The following GUSB variants were observed in gnomAD, a reference collection of about 807,000 sequenced individuals.
GUSB encodes the protein beta-glucuronidase.
Under a neutral mutation model 74.6 loss-of-function variants are expected in GUSB, and 51 were observed. The ratio of observed to expected loss-of-function variants is 0.68; its 90% CI spans 0.55 to 0.86. The LOEUF (loss-of-function observed/expected upper bound fraction) is 0.86. Ranked by LOEUF, GUSB falls within the 40% of genes least tolerant of loss-of-function variation. The pLI, the probability that GUSB is intolerant of heterozygous loss-of-function variation, is 0.00. For synonymous variants in GUSB, 360 were observed against 348.3 expected (o/e 1.03, Z -0.37); for missense variants, 736 against 853.7 (o/e 0.86, Z 1.72).
intron 5 of GUSB, 95 bp from the exon 6 acceptor site, chr7:65,975,166 G>A (rs1791487659): frequency 1.9e-6 from 2 of 1,076,350 alleles, no homozygotes; most frequent in South Asian, 1.3e-5. Context: ...CACCCCAGCA[G>A]CTGCCTCTGG....
chr7:65,974,821 C>A (rs1562686578), intron 6 of GUSB, 98 bp downstream of exon 6: 7 of 1,555,868 alleles, frequency 4.5e-6, no homozygotes, highest in Non-Finnish European at 6.2e-6. Context: ...CCATTTGCCT[C>A]ATTGCCCTGA....
chr7:65,962,184 C>T (rs1470969719), intron 11 of GUSB, among the ~76,000 whole-genome samples: 1 of 152,152 alleles, frequency 6.6e-6, no homozygotes, highest in African/African-American at 2.4e-5. Flanking sequence ...TCCTGACCAG[C>T]CACAGGTCCC....
At chr7:65,976,257 A>G (rs1441614564) in intron 4 of GUSB, 55 bp from the exon 5 acceptor site, 2 of 1,283,254 alleles carry the variant, frequency 1.6e-6, no homozygotes, top group East Asian at 4.6e-5. Context: ...TGAGTCACAC[A>G]AACAGGAGCG....
chr7:65,981,601 G>A (rs1465073136), intron 1 of GUSB, among the ~76,000 whole-genome samples: 2 of 151,904 alleles, frequency 1.3e-5, no homozygotes, highest in African/African-American at 4.8e-5. Flanking sequence ...TGGGGCGGGA[G>A]AATCGCTTGA....
chr7:65,975,924 G>T, intron 5 of GUSB, 91 bp downstream of exon 5: 1 of 989,678 alleles, frequency 1.0e-6, no homozygotes, highest in Non-Finnish European at 1.5e-6. Flanking sequence ...GACCATGCCT[G>T]CCCATCCACC....
intron 8 of GUSB, among the ~76,000 whole-genome samples, chr7:65,970,760 G>A (rs1248802829): frequency 6.6e-6 from 1 of 152,006 alleles, no homozygotes; most frequent in Non-Finnish European, 1.5e-5. Context: ...GTGGTGGCCG[G>A]CGCCTATAGT....
intron 1 of GUSB, among the ~76,000 whole-genome samples, chr7:65,981,296 G>C (rs998718033): frequency 1.4e-5 from 2 of 144,364 alleles, no homozygotes; most frequent in African/African-American, 5.2e-5. Flanking sequence ...GTGGCATCCT[G>C]ATCTCAGCTC....
intron 2 of GUSB, 62 bp downstream of exon 2, chr7:65,980,162 G>T: frequency 6.9e-7 from 1 of 1,447,154 alleles, no homozygotes. Flanking sequence ...GCAGCTGGAG[G>T]TCCCATGCTG....
rs763043756 is a variant in GUSB at position 65,974,425 on chromosome 7, C to A, written c.1261G>T (p.Val421Phe). The A allele has an allele frequency of 1.2e-6, 2 of 1,614,198 alleles. No individual in the cohort carries two copies. Among genetic ancestry groups the A allele is most frequent in the Non-Finnish European group, 1.7e-6 (2 of 1,180,046 alleles). ...ACCTGCATGTGGTGATGCAGAGAAACGTTGTTGAAGAACTGCCTGCGGGCC... is the reference window on the plus strand; with the variant it reads ...ACCTGCATGTGGTGATGCAGAGAAAAGTTGTTGAAGAACTGCCTGCGGGCC... ...GLALPQFFNN[V>F]SLHHHMQVME... is the part of the protein sequence containing the mutation. The change falls in exon 8 of 12, where the codon GTT becomes TTT. Residue 421 changes from valine (V) to phenylalanine (F), a missense_variant. By Grantham distance (50) the Val-to-Phe change is conservative (BLOSUM62 -1). Around this residue, in one of 2 missense-constraint regions of GUSB, gnomAD observed 368 missense variants for 489.9 expected, o/e 0.75. Transcript: ENST00000304895.
In GUSB at chr7:65,967,864, C is replaced by G; in HGVS notation, c.1520G>C (p.Trp507Ser). ...CTCCAGGTGCCCGTAGTCGTGATAC[C>G]AAGAGTAGTAGCTGTTCAAACAGAT... Reference protein sequence around the residue: ...DVICLNSYYSWYHDYGHLELI... With the variant: ...DVICLNSYYSSYHDYGHLELI... Residue 507 changes from tryptophan (W) to serine (S), a missense_variant, in exon 10 of 12, where the codon TGG becomes TCG. Trp to Ser is a radical substitution (Grantham distance 177). Coordinates refer to ENST00000304895, the MANE Select transcript of GUSB (RefSeq NM_000181.4). 1.2e-6 allele frequency: 2 copies of G among 1,605,386 alleles called. No individual in the cohort carries two copies. Among genetic ancestry groups the G allele is most frequent in the Non-Finnish European group, 1.7e-6 (2 of 1,179,818 alleles).
intron 1 of GUSB, chr7:65,980,770 A>G: frequency 2.7e-6 from 1 of 373,538 alleles, no homozygotes; most frequent in Non-Finnish European, 5.2e-6. Flanking sequence ...AGCTTTGCTT[A>G]GGACACTGTG....
At chr7:65,974,813 AT>A in intron 6 of GUSB, 105 bp downstream of exon 6, 1 of 1,550,642 alleles carries the variant, frequency 6.4e-7, no homozygotes, top group Non-Finnish European at 8.9e-7. Context: ...ATTTGGAGCC[AT>A]TTGCCTCATT....
chr7:65,975,092 G>C (rs1791480357), intron 5 of GUSB, 21 bp from the exon 6 acceptor site: 1 of 1,611,736 alleles, frequency 6.2e-7, no homozygotes, highest in African/African-American at 1.3e-5. Flanking sequence ...CAAAGCACCA[G>C]GTGTGAGCAC....
chr7:65,980,186 C>CT, intron 2 of GUSB, 38 bp downstream of exon 2: 44 of 212,758 alleles, frequency 2.1e-4, no homozygotes, highest in South Asian at 4.0e-4. Context: ...AGCAGCCGTG[C>CT]CCCCCCACCC....
chr7:65,961,612 G>A (rs1415131568), intron 11 of GUSB, among the ~76,000 whole-genome samples: 1 of 152,228 alleles, frequency 6.6e-6, no homozygotes, highest in African/African-American at 2.4e-5. Context: ...GCCAACGCCT[G>A]TAATCCCAGT....
chr7:65,961,980 C>T (rs796219389), intron 11 of GUSB, among the ~76,000 whole-genome samples: 2 of 149,034 alleles, frequency 1.3e-5, no homozygotes, highest in African/African-American at 4.9e-5. Context: ...CCAGCCTGGG[C>T]GACAGAGTGA....
chr7:65,970,293 C>A lies in GUSB; in HGVS notation c.1465G>T (p.Ala489Ser). 1 of 1,611,040 alleles carries A rather than the reference C, an allele frequency of 6.2e-7. No homozygotes were observed. Among genetic ancestry groups the A allele is most frequent in the Non-Finnish European group, 8.5e-7 (1 of 1,177,546 alleles). ...VTFVSNSNYA[A>S]DKGAPYVDVI... ...ACCCCCAGGCTCACCCCCTTGTCTG[C>A]TGCATAGTTAGAGTTGCTCACAAAG... The change falls in exon 9 of 12, where the codon GCA becomes TCA. Residue 489 changes from alanine (A) to serine (S), a missense_variant. Physicochemically the swap from Ala to Ser is moderately conservative, Grantham distance 99. Around this residue, in one of 2 missense-constraint regions of GUSB, gnomAD observed 368 missense variants for 489.9 expected, o/e 0.75. Transcript: ENST00000304895.
At chr7:65,975,848 C>CA (rs112120049) in intron 5 of GUSB, 167 bp downstream of exon 5, 24,325 of 433,900 alleles carry the variant, frequency 0.056, 61 homozygotes, top group Admixed American at 0.1. Context: ...GAGACCATCT[C>CA]AAAAAAAAAA....
In GUSB at chr7:65,974,662, A is replaced by T. The variant is rs1791443354; in HGVS notation, c.1108T>A (p.Phe370Ile). ...GCACCAAGCCAGCGAAGCAGGTTGA[A>T]GTCCTTCACCAGCAGCGGCCAGTCG... ...GFDWPLLVKD[F>I]NLLRWLGANA... The change falls in exon 7 of 12, where the codon TTC becomes ATC. Residue 370 changes from phenylalanine (F) to isoleucine (I), a missense_variant. Around this residue, in one of 2 missense-constraint regions of GUSB, gnomAD observed 368 missense variants for 489.9 expected, o/e 0.75. Coordinates refer to ENST00000304895, the MANE Select transcript of GUSB (RefSeq NM_000181.4). The T allele has an allele frequency of 6.2e-7, 1 of 1,613,814 alleles. No individual in the cohort carries two copies. Among genetic ancestry groups the T allele is most frequent in the East Asian group, 2.2e-5 (1 of 44,874 alleles).
Sources: gnomAD v4.1 joint callset for allele counts (sites outside exome capture counted in the v4.1 genomes callset) on GRCh38, gnomAD v4.1.1 for gene constraint, gnomAD v4.1.1 regional missense constraint, MANE v1.5 for transcripts, NCBI Gene and HGNC (gene_info 2026-07-23, HGNC 2026-07-21) for gene names.